The following EFCAB11 variants were observed in gnomAD, a reference collection of about 807,000 sequenced individuals.
The protein encoded by EFCAB11 is EF-hand calcium-binding domain-containing protein 11.
EFCAB11 carries 14 observed loss-of-function variants against 23.0 expected under a neutral mutation model. The observed-to-expected ratio is 0.61, with a 90% CI of 0.40 to 0.95. EFCAB11 has a LOEUF of 0.95. EFCAB11 is among the 40% of genes least tolerant of loss of function. EFCAB11 has a pLI of 0.00. For synonymous variants in EFCAB11, 65 were observed against 66.6 expected (o/e 0.98, Z 0.11); for missense variants, 198 against 195.8 (o/e 1.01, Z -0.07).
At chr14:89,866,656 G>A (rs1023760704) in intron 5 of EFCAB11, among the ~76,000 whole-genome samples, 47 of 152,206 alleles carry the variant, frequency 3.1e-4, no homozygotes, top group African/African-American at 1.1e-3. Context: ...CCTTGTCTAG[G>A]CTGAAACATG....
At chr14:89,909,554 C>A (rs1173476840) in intron 5 of EFCAB11, among the ~76,000 whole-genome samples, 1 of 152,118 alleles carries the variant, frequency 6.6e-6, no homozygotes, top group Non-Finnish European at 1.5e-5. Flanking sequence ...GCACTTCAGC[C>A]TGGGCGACAG....
intron 5 of EFCAB11, among the ~76,000 whole-genome samples, chr14:89,810,011 T>C (rs1331873473): frequency 6.6e-6 from 1 of 152,230 alleles, no homozygotes; most frequent in Non-Finnish European, 1.5e-5. Context: ...TGGTACACAC[T>C]ATGGTGAAGG....
chr14:89,852,649 G>A (rs1887632891), intron 5 of EFCAB11, among the ~76,000 whole-genome samples: 1 of 152,096 alleles, frequency 6.6e-6, no homozygotes, highest in Non-Finnish European at 1.5e-5. Context: ...CGACCACTGG[G>A]AAACAATCTC....
intron 5 of EFCAB11, among the ~76,000 whole-genome samples, chr14:89,905,598 C>T (rs1405388400): frequency 2.0e-5 from 3 of 152,160 alleles, no homozygotes; most frequent in Non-Finnish European, 1.5e-5. Context: ...GAGAGGCCAT[C>T]TCAAGAGTTA....
chr14:89,855,277 A>T (rs1048002248), intron 5 of EFCAB11, among the ~76,000 whole-genome samples: 1 of 151,842 alleles, frequency 6.6e-6, no homozygotes, highest in African/African-American at 2.4e-5. Context: ...GAACTTCAAG[A>T]CCAGCCTGGG....
At chr14:89,903,912 T>A (rs984611901) in intron 5 of EFCAB11, among the ~76,000 whole-genome samples, 26 of 152,128 alleles carry the variant, frequency 1.7e-4, no homozygotes, top group African/African-American at 5.6e-4. Flanking sequence ...TTCCTTTTTT[T>A]TATATATTTA....
chr14:89,797,747 C>T (rs911571356), intron 5 of EFCAB11, among the ~76,000 whole-genome samples: 1 of 152,162 alleles, frequency 6.6e-6, no homozygotes. Context: ...GCCAGGCCAA[C>T]ATGGTGAAAC....
At chr14:89,798,865 C>T (rs1885667012) in intron 5 of EFCAB11, among the ~76,000 whole-genome samples, 2 of 152,194 alleles carry the variant, frequency 1.3e-5, no homozygotes, top group East Asian at 1.9e-4. Flanking sequence ...TGGCTCACTG[C>T]GACCTCCGCC....
chr14:89,854,196 C>CAA (rs11323871), intron 5 of EFCAB11, among the ~76,000 whole-genome samples: 17 of 129,766 alleles, frequency 1.3e-4, no homozygotes, highest in Admixed American at 3.1e-4. Context: ...GGTTGTCTCT[C>CAA]AAAAAAAAAA....
intron 5 of EFCAB11, among the ~76,000 whole-genome samples, chr14:89,828,673 C>T (rs975083062): frequency 6.6e-6 from 1 of 152,078 alleles, no homozygotes; most frequent in African/African-American, 2.4e-5. Flanking sequence ...TTAAAAACCA[C>T]AAGAATTTTT....
At chr14:89,916,637 G>A (rs1165681940) in intron 5 of EFCAB11, among the ~76,000 whole-genome samples, 1 of 152,138 alleles carries the variant, frequency 6.6e-6, no homozygotes, top group South Asian at 2.1e-4. Context: ...CTATTCCTTC[G>A]TTCATTTCAT....
chr14:89,932,568 GA>G lies in EFCAB11; in HGVS notation c.276del (p.Arg93GlyfsTer4), dbSNP rs1396997161. On this transcript the variant is annotated frameshift_variant, in exon 4 of 6. Transcript: ENST00000316738. LOFTEE classifies it high-confidence loss of function. ...IVRKKKEAQR[Y>X]RNEVRHIFTA... ...GTGAAGATGTGTCTTACTTCGTTCC[GA>G]TATCGTTGAGCTTCCTTCTTTTTCC... 1.2e-6 allele frequency: 2 copies of G among 1,613,694 alleles called. No homozygotes were observed. Among genetic ancestry groups the G allele is most frequent in the Non-Finnish European group, 8.5e-7 (1 of 1,179,882 alleles).
At chr14:89,842,979 C>A (rs1371045064) in intron 5 of EFCAB11, among the ~76,000 whole-genome samples, 1 of 152,140 alleles carries the variant, frequency 6.6e-6, no homozygotes, top group East Asian at 1.9e-4. Flanking sequence ...TGAGGTGCTC[C>A]CATATCACCC....
chr14:89,904,304 C>G (rs1889426952), intron 5 of EFCAB11, among the ~76,000 whole-genome samples: 1 of 152,144 alleles, frequency 6.6e-6, no homozygotes, highest in African/African-American at 2.4e-5. Flanking sequence ...AGGACATGAA[C>G]TCATCCTTTT....
chr14:89,948,370 A>G (rs1891050617), intron 3 of EFCAB11, among the ~76,000 whole-genome samples: 1 of 152,210 alleles, frequency 6.6e-6, no homozygotes, highest in Admixed American at 6.5e-5. Context: ...GGGAGCTCTT[A>G]TTAAACTGCT....
chr14:89,803,168 G>C lies in EFCAB11; in HGVS notation c.411-5844C>G, dbSNP rs568737319. Among the ~76,000 whole-genome samples the C allele has an allele frequency of 4.3e-4, 66 of 152,280 alleles. No homozygotes were observed. The South Asian group carries it at 8.5e-3, about 20-fold the overall frequency. Reference sequence around the variant, plus strand: ...CCCAGTTGACAACCATTGAGCCAGAGGAATCACAGTTTAAGGCAATCCTTT... The same window carrying C: ...CCCAGTTGACAACCATTGAGCCAGACGAATCACAGTTTAAGGCAATCCTTT... On this transcript the variant is annotated intron_variant, in intron 5 of 5. Coordinates refer to ENST00000316738, the MANE Select transcript of EFCAB11 (RefSeq NM_145231.4).
intron 5 of EFCAB11, among the ~76,000 whole-genome samples, chr14:89,908,792 G>A (rs1439376926): frequency 6.6e-6 from 1 of 152,092 alleles, no homozygotes; most frequent in Non-Finnish European, 1.5e-5. Context: ...ATACTCAACT[G>A]CAAGTGGGAA....
intron 3 of EFCAB11, among the ~76,000 whole-genome samples, chr14:89,940,960 A>G (rs1291488530): frequency 1.3e-5 from 2 of 152,240 alleles, no homozygotes; most frequent in African/African-American, 2.4e-5. Context: ...CACCTGAGAT[A>G]TGTATACTTG....
intron 5 of EFCAB11, among the ~76,000 whole-genome samples, chr14:89,804,858 C>T (rs544375158): frequency 6.6e-6 from 1 of 152,216 alleles, no homozygotes; most frequent in South Asian, 2.1e-4. Context: ...CTGCAGCAGT[C>T]TTCTTTTTAC....
Sources: gnomAD v4.1 joint callset for allele counts (sites outside exome capture counted in the v4.1 genomes callset) on GRCh38, gnomAD v4.1.1 for gene constraint, MANE v1.5 for transcripts, NCBI Gene and HGNC (gene_info 2026-07-23, HGNC 2026-07-21) for gene names.